Variants in PRDM16 observed in about 807,000 individuals in gnomAD.
PRDM16 encodes the protein PR/SET domain 16.
In PRDM16, 23 loss-of-function variants were observed where a neutral mutation model predicts 110.6. The observed-to-expected ratio is 0.21, with a 90% CI of 0.15 to 0.29. The LOEUF is 0.29. PRDM16 is among the 10% of genes least tolerant of loss of function. The probability of loss-of-function intolerance (pLI) is 1.00; values close to 1 mark genes in which losing one functional copy is unlikely to be tolerated. For missense variants in PRDM16, 1,615 were observed against 1,794.3 expected (o/e 0.90, Z 1.81); for synonymous variants, 799 against 781.8 (o/e 1.02, Z -0.37).
chr1:3,155,563 T>C (rs1042529036), intron 1 of PRDM16, among the ~76,000 whole-genome samples: 3 of 152,226 alleles, frequency 2.0e-5, no homozygotes, highest in Non-Finnish European at 4.4e-5. Context: ...TTCCTCCCGA[T>C]ACAGCAGCGT....
intron 1 of PRDM16, among the ~76,000 whole-genome samples, chr1:3,181,379 TACAC>T (rs1310555928): frequency 3.2e-4 from 6 of 18,804 alleles, no homozygotes; most frequent in Admixed American, 7.9e-4. Flanking sequence ...CACGCAGTCT[TACAC>T]ACGGCCTTAC....
At chr1:3,316,316 G>A (rs1170026892) in intron 3 of PRDM16, among the ~76,000 whole-genome samples, 1 of 152,070 alleles carries the variant, frequency 6.6e-6, no homozygotes, top group Admixed American at 6.5e-5. Context: ...CTTGCCTTCT[G>A]GAGGAAACCT....
intron 2 of PRDM16, among the ~76,000 whole-genome samples, chr1:3,214,044 C>T (rs972141308): frequency 6.6e-6 from 1 of 152,296 alleles, no homozygotes; most frequent in East Asian, 1.9e-4. Context: ...CTTCTCCCAC[C>T]ACAGCCCCGC....
chr1:3,166,029 G>A (rs1262414586), intron 1 of PRDM16, among the ~76,000 whole-genome samples: 1 of 152,222 alleles, frequency 6.6e-6, no homozygotes, highest in Non-Finnish European at 1.5e-5. Context: ...GGGGCTCCCT[G>A]GGGCATGTCG....
intron 4 of PRDM16, chr1:3,386,736 C>T (rs1381260506): frequency 6.6e-6 from 1 of 152,222 alleles, no homozygotes; most frequent in East Asian, 1.9e-4. Flanking sequence ...GACGGTCTTT[C>T]CGTCCCCTTC....
intron 4 of PRDM16, among the ~76,000 whole-genome samples, chr1:3,395,015 C>G (rs993126637): frequency 1.3e-5 from 2 of 152,340 alleles, no homozygotes; most frequent in Non-Finnish European, 2.9e-5. Flanking sequence ...TGACAGAGGC[C>G]GTGCACCTGC....
At chr1:3,088,827 G>A (rs998081974) in intron 1 of PRDM16, among the ~76,000 whole-genome samples, 5 of 149,666 alleles carry the variant, frequency 3.3e-5, no homozygotes, top group South Asian at 4.2e-4. Context: ...TCACTCTGTC[G>A]CCCAGGCTGG....
intron 2 of PRDM16, among the ~76,000 whole-genome samples, chr1:3,195,524 C>T (rs1005352103): frequency 6.6e-6 from 1 of 152,152 alleles, no homozygotes; most frequent in Non-Finnish European, 1.5e-5. Flanking sequence ...TTTTCATATT[C>T]GAGAGACATC....
At chr1:3,252,999 G>A (rs935815126) in intron 3 of PRDM16, among the ~76,000 whole-genome samples, 9 of 152,174 alleles carry the variant, frequency 5.9e-5, no homozygotes, top group South Asian at 2.1e-4. Context: ...CCAAACACCA[G>A]CCGCGTGTGC....
Position 3,181,424 on chromosome 1 carries a change from GCGGTCTTACACAA to G in PRDM16, c.38-4700_38-4688del, listed in dbSNP as rs1644178741. 1.1e-4 allele frequency among the ~76,000 whole-genome samples: 3 copies of G among 26,762 alleles called. 1 individual carries two copies. Among genetic ancestry groups the G allele is most frequent in the Non-Finnish European group, 3.1e-4 (3 of 9,816 alleles). The allele number at this position is 26,762 out of a possible 152,430, so 17.6% of individuals were successfully genotyped here. On this transcript the variant is annotated intron_variant, in intron 1 of 16. Coordinates refer to ENST00000270722, the MANE Select transcript of PRDM16 (RefSeq NM_022114.4). ...GTCTTACACACGCAGTCTTACACAC[GCGGTCTTACACAA>G]GCAGTCTTACACGGTCTTACACACG...
Position 3,339,014 on chromosome 1 carries a change from G to A in PRDM16, c.439-46138G>A, listed in dbSNP as rs1257028563. 6.6e-6 allele frequency among the ~76,000 whole-genome samples: 1 copy of A among 152,172 alleles called. No homozygotes were observed. Among genetic ancestry groups the A allele is most frequent in the Non-Finnish European group, 1.5e-5 (1 of 68,034 alleles). ...AGGCACCCCAGCAGCTGCCATTCAG[G>A]CCAAGGAGAGGCAGTTTGGAGCCCT... is the stretch of plus-strand genomic sequence containing the variant. On this transcript the variant is annotated intron_variant, in intron 3 of 16. Coordinates refer to ENST00000270722, the MANE Select transcript of PRDM16 (RefSeq NM_022114.4). The surrounding 1 kb of genome is among the most constrained non-coding windows in gnomAD (Gnocchi z 5.0).
At chr1:3,187,232 G>A (rs531354261) in intron 2 of PRDM16, among the ~76,000 whole-genome samples, 3 of 152,296 alleles carry the variant, frequency 2.0e-5, no homozygotes, top group Admixed American at 6.5e-5. Context: ...CACAAAAAGT[G>A]CACTTCCTGG....
Position 3,250,078 on chromosome 1 carries a change from C to T in PRDM16, c.438+5941C>T, listed in dbSNP as rs142814337. On this transcript the variant is annotated intron_variant, in intron 3 of 16. Coordinates refer to ENST00000270722, the MANE Select transcript of PRDM16 (RefSeq NM_022114.4). ...GGGACCCTCATCCGCCCCTGGGGAC[C>T]AGCCCAGGTGCCTGGCTTCCGCTTC... 9.2e-3 allele frequency among the ~76,000 whole-genome samples: 1,405 copies of T among 152,296 alleles called. 21 individuals carry two copies. Among genetic ancestry groups the T allele is most frequent in the African/African-American group, 0.032 (1,315 of 41,542 alleles).
intron 3 of PRDM16, among the ~76,000 whole-genome samples, chr1:3,248,567 C>T (rs1382770452): frequency 5.9e-5 from 9 of 152,254 alleles, no homozygotes; most frequent in African/African-American, 9.6e-5. Context: ...GGGCGAGGGG[C>T]GGGAGTGCAG....
Position 3,350,808 on chromosome 1 carries a change from A to G in PRDM16, c.439-34344A>G, listed in dbSNP as rs529058605. Among the ~76,000 whole-genome samples the G allele has an allele frequency of 2.0e-5, 3 of 152,086 alleles. No homozygotes were observed. The highest frequency in any genetic ancestry group is 2.1e-4 in the South Asian group (1 of 4,820). ...AGTGTTTTCCTCTTTCTGGGCCTCA[A>G]ACTCTTTTTTGAGGCCAGGTGGGTG... On this transcript the variant is annotated intron_variant, in intron 3 of 16. Coordinates refer to ENST00000270722, the MANE Select transcript of PRDM16 (RefSeq NM_022114.4). This position sits in a 1 kb window ranked among gnomAD's most constrained non-coding sequence, Gnocchi z 7.1.
chr1:3,313,792 A>G (rs1641525543), intron 3 of PRDM16, among the ~76,000 whole-genome samples: 1 of 152,232 alleles, frequency 6.6e-6, no homozygotes, highest in Admixed American at 6.5e-5. Flanking sequence ...TGTAACTGGA[A>G]CGCAGCCTAG....
chr1:3,318,103 G>A (rs1249651612), intron 3 of PRDM16, among the ~76,000 whole-genome samples: 4 of 152,158 alleles, frequency 2.6e-5, no homozygotes, highest in African/African-American at 9.7e-5. Context: ...GTCATGAGCC[G>A]GAGTTGATTG....
At chr1:3,223,342 GC>G (rs1274902250) in intron 2 of PRDM16, among the ~76,000 whole-genome samples, 1 of 152,032 alleles carries the variant, frequency 6.6e-6, no homozygotes, top group Non-Finnish European at 1.5e-5. Context: ...AGTTTACGAT[GC>G]CTGTTATCGT....
chr1:3,096,915 G>A (rs976239617), intron 1 of PRDM16, among the ~76,000 whole-genome samples: 4 of 152,202 alleles, frequency 2.6e-5, no homozygotes, highest in Non-Finnish European at 4.4e-5. Flanking sequence ...AACCATGTAG[G>A]TGATTTCGTG....
Sources: gnomAD v4.1 joint callset for allele counts (sites outside exome capture counted in the v4.1 genomes callset) on GRCh38, gnomAD v4.1.1 for gene constraint, Gnocchi (gnomAD v3.1) non-coding constraint, MANE v1.5 for transcripts, NCBI Gene and HGNC (gene_info 2026-07-23, HGNC 2026-07-21) for gene names.